Variants in CDC42SE2 observed in about 807,000 individuals in gnomAD.
CDC42SE2 encodes CDC42 small effector 2, also known as CDC42 small effector protein 2.
Under a neutral mutation model 11.5 loss-of-function variants are expected in CDC42SE2, and 3 were observed. That is an observed-to-expected ratio of 0.26 (90% CI 0.12 to 0.67). The LOEUF (loss-of-function observed/expected upper bound fraction) is 0.67. Ranked by LOEUF, CDC42SE2 falls within the 30% of genes least tolerant of loss-of-function variation. The pLI is 0.80. For missense variants in CDC42SE2, 82 were observed against 106.8 expected, an observed-to-expected ratio of 0.77 and a Z score of 1.02; for synonymous variants, 33 against 34.8, an observed-to-expected ratio of 0.95 and a Z score of 0.18.
intron 2 of CDC42SE2, among the ~76,000 whole-genome samples, chr5:131,338,885 G>T (rs1345221956): frequency 6.6e-6 from 1 of 152,098 alleles, no homozygotes; most frequent in East Asian, 1.9e-4. Context: ...AAATTAAAAT[G>T]TACACTGCAA....
In CDC42SE2 at chr5:131,341,044, T is replaced by C. The variant is rs187897348; in HGVS notation, c.-285-18165T>C. The stretch of plus-strand genomic sequence containing the variant: ...AGGATTGAGAGGCAAGAAGCAATAA[T>C]CAAATCAATTGGCAAATTTGGAAAA... On this transcript the variant is annotated intron_variant, in intron 2 of 4. Coordinates refer to ENST00000505065, the MANE Select transcript of CDC42SE2 (RefSeq NM_001375635.1). 1.6e-4 allele frequency among the ~76,000 whole-genome samples: 24 copies of C among 152,304 alleles called. 1 individual carries two copies. The East Asian group carries it at 4.4e-3, about 28-fold the overall frequency.
chr5:131,233,413 G>A, the CDC42SE2 span, among the ~76,000 whole-genome samples: 1 of 152,152 alleles, frequency 6.6e-6, no homozygotes, highest in African/African-American at 2.4e-5. Flanking sequence ...TGTCACCCAG[G>A]CAGGAGTGCA....
intron 2 of CDC42SE2, among the ~76,000 whole-genome samples, chr5:131,349,576 A>C (rs1758949654): frequency 6.6e-6 from 1 of 152,202 alleles, no homozygotes; most frequent in Admixed American, 6.5e-5. Flanking sequence ...TCGACTGTGC[A>C]GGGAATTGGT....
At chr5:131,252,250 T>C (rs1342952556) in intron 1 of CDC42SE2, among the ~76,000 whole-genome samples, 1 of 152,244 alleles carries the variant, frequency 6.6e-6, no homozygotes, top group African/African-American at 2.4e-5. Context: ...ACATTAAGCA[T>C]ATGTTCATAT....
At chr5:131,325,248 T>C (rs985758367) in intron 2 of CDC42SE2, among the ~76,000 whole-genome samples, 3 of 152,122 alleles carry the variant, frequency 2.0e-5, no homozygotes, top group African/African-American at 7.2e-5. Context: ...TTGAATACTT[T>C]CTAAAAGCAC....
intron 1 of CDC42SE2, among the ~76,000 whole-genome samples, chr5:131,294,241 T>C (rs1174895448): frequency 6.6e-6 from 1 of 152,200 alleles, no homozygotes; most frequent in Non-Finnish European, 1.5e-5. Context: ...TCTGATATAC[T>C]CTGTGATCCA....
At chr5:131,332,123 C>T (rs976800709) in intron 2 of CDC42SE2, among the ~76,000 whole-genome samples, 1 of 152,152 alleles carries the variant, frequency 6.6e-6, no homozygotes, top group Non-Finnish European at 1.5e-5. Flanking sequence ...CCCACTCCCC[C>T]CACTCCACAA....
At chr5:131,330,377 A>G (rs1758395307) in intron 2 of CDC42SE2, among the ~76,000 whole-genome samples, 1 of 152,198 alleles carries the variant, frequency 6.6e-6, no homozygotes. Context: ...ACACAAGGTT[A>G]TTAGAGTTTT....
intron 2 of CDC42SE2, among the ~76,000 whole-genome samples, chr5:131,345,511 A>G (rs1203161218): frequency 1.3e-5 from 2 of 152,232 alleles, no homozygotes; most frequent in Non-Finnish European, 2.9e-5. Flanking sequence ...AAAAGACCAA[A>G]TCTACATCTG....
At chr5:131,385,718 C>A in intron 4 of CDC42SE2, 74 bp downstream of exon 4, 1 of 813,504 alleles carries the variant, frequency 1.2e-6, no homozygotes, top group South Asian at 1.5e-5. Flanking sequence ...CAGGCACAAG[C>A]ATTTTTAATA....
chr5:131,320,628 G>A (rs542277327), intron 2 of CDC42SE2, among the ~76,000 whole-genome samples: 1 of 151,888 alleles, frequency 6.6e-6, no homozygotes, highest in Admixed American at 6.6e-5. Flanking sequence ...TGTAATCTCA[G>A]CTACTTGGGA....
At chr5:131,312,972 T>C (rs1369362371) in intron 1 of CDC42SE2, among the ~76,000 whole-genome samples, 1 of 151,840 alleles carries the variant, frequency 6.6e-6, no homozygotes, top group Admixed American at 6.6e-5. Context: ...TCCTCCCTTT[T>C]CTTTTTCTTT....
At chr5:131,290,929 G>A (rs1290805076) in intron 1 of CDC42SE2, among the ~76,000 whole-genome samples, 2 of 151,960 alleles carry the variant, frequency 1.3e-5, no homozygotes, top group Non-Finnish European at 2.9e-5. Flanking sequence ...TCCATACCAA[G>A]GTAAATTCTT....
chr5:131,243,575 G>A (rs1756557060), upstream of CDC42SE2, among the ~76,000 whole-genome samples: 1 of 152,144 alleles, frequency 6.6e-6, no homozygotes, highest in Admixed American at 6.5e-5. Context: ...GACAGAGCGA[G>A]ACTCCGTCTC....
At chr5:131,210,385 A>G in the CDC42SE2 span, among the ~76,000 whole-genome samples, 3 of 152,348 alleles carry the variant, frequency 2.0e-5, no homozygotes, top group Admixed American at 1.3e-4. Flanking sequence ...TACACATTCA[A>G]CATTTTCTTT....
chr5:131,371,991 C>G (rs1046784819), intron 3 of CDC42SE2, among the ~76,000 whole-genome samples: 1 of 152,184 alleles, frequency 6.6e-6, no homozygotes, highest in African/African-American at 2.4e-5. Flanking sequence ...GTTTCCCCCC[C>G]TTATTCCCCA....
chr5:131,288,485 A>G (rs182235668), intron 1 of CDC42SE2, among the ~76,000 whole-genome samples: 4 of 152,230 alleles, frequency 2.6e-5, no homozygotes, highest in African/African-American at 9.6e-5. Flanking sequence ...ATAACTTCCA[A>G]ATACTGTAAT....
intron 2 of CDC42SE2, among the ~76,000 whole-genome samples, chr5:131,330,123 C>T (rs1178505060): frequency 1.3e-5 from 2 of 152,054 alleles, no homozygotes; most frequent in African/African-American, 2.4e-5. Context: ...TTCTAAGCAG[C>T]TTTATTTACA....
At chr5:131,367,118 G>GTA (rs1409730920) in intron 3 of CDC42SE2, among the ~76,000 whole-genome samples, 1 of 151,016 alleles carries the variant, frequency 6.6e-6, no homozygotes, top group Non-Finnish European at 1.5e-5. Context: ...GTGTGTGTGT[G>GTA]TATATCATAT....
Sources: gnomAD v4.1 joint callset for allele counts (sites outside exome capture counted in the v4.1 genomes callset) on GRCh38, gnomAD v4.1.1 for gene constraint, MANE v1.5 for transcripts, NCBI Gene and HGNC (gene_info 2026-07-23, HGNC 2026-07-21) for gene names.